Variants in PPL observed in about 807,000 individuals in gnomAD.
PPL encodes the protein 190 kDa paraneoplastic pemphigus antigen.
PPL carries 198 observed loss-of-function variants against 194.4 expected under a neutral mutation model. That is an observed-to-expected ratio of 1.02 (90% CI 0.91 to 1.15). PPL has a LOEUF of 1.15. PPL is among the 50% of genes most tolerant of loss of function. The probability of loss-of-function intolerance (pLI) is 0.00; values close to 1 mark genes in which losing one functional copy is unlikely to be tolerated. For synonymous variants in PPL, 1,220 were observed against 972.4 expected, an observed-to-expected ratio of 1.25 and a Z score of -4.74; for missense variants, 2,885 against 2,294.8, an observed-to-expected ratio of 1.26 and a Z score of -5.25.
chr16:4,885,687 GCCC>G lies in PPL; in HGVS notation c.2965_2967del (p.Gly989del). The G allele has an allele frequency of 6.2e-7, 1 of 1,613,356 alleles. No homozygotes were observed. The highest frequency in any genetic ancestry group is 8.5e-7 in the Non-Finnish European group (1 of 1,179,954). ...AGGACCTCCTTGACCACGTACTCCTGCCCCCCGTCTCTGGTCTCCTGCTCCAGG... is the reference window on the plus strand; with the variant it reads ...AGGACCTCCTTGACCACGTACTCCTGCCCGTCTCTGGTCTCCTGCTCCAGG... On this transcript the variant is annotated inframe_deletion, in exon 22 of 22. Transcript: ENST00000345988. This position sits in a 1 kb window ranked among gnomAD's most constrained non-coding sequence, Gnocchi z 6.3.
chr16:4,907,650 G>C (rs1756581245), intron 2 of PPL, among the ~76,000 whole-genome samples: 1 of 152,106 alleles, frequency 6.6e-6, no homozygotes, highest in African/African-American at 2.4e-5. Context: ...GTGTAACATT[G>C]TGAATGTATG....
intron 2 of PPL, among the ~76,000 whole-genome samples, chr16:4,905,702 T>C (rs2088668070): frequency 1.3e-5 from 2 of 152,154 alleles, no homozygotes; most frequent in Admixed American, 1.3e-4. Flanking sequence ...GGCTTCTTCT[T>C]GGAGGAAGAA....
chr16:4,888,931 A>G, intron 19 of PPL, 47 bp downstream of exon 19: 6 of 1,575,190 alleles, frequency 3.8e-6, no homozygotes, highest in East Asian at 2.2e-5. Flanking sequence ...GCACGGTGGA[A>G]TAAGACCCCT....
intron 1 of PPL, among the ~76,000 whole-genome samples, chr16:4,935,611 C>A (rs1313280031): frequency 1.3e-5 from 2 of 152,152 alleles, no homozygotes; most frequent in Non-Finnish European, 2.9e-5. Context: ...GCGGGTAATG[C>A]CTCTGAGCTT....
chr16:4,929,011 CTTA>C (rs755123593), intron 1 of PPL, among the ~76,000 whole-genome samples: 2 of 15,886 alleles, frequency 1.3e-4, no homozygotes, highest in Non-Finnish European at 2.8e-4. Flanking sequence ...GAAACTCTAC[CTTA>C]AAAAAAAAAA....
At chr16:4,923,435 C>G (rs1237014628) in intron 1 of PPL, among the ~76,000 whole-genome samples, 1 of 152,182 alleles carries the variant, frequency 6.6e-6, no homozygotes, top group South Asian at 2.1e-4. Flanking sequence ...CTCCTGCCCC[C>G]AGGAGAGACG....
At chr16:4,926,429 C>T (rs1027756945) in intron 1 of PPL, among the ~76,000 whole-genome samples, 11 of 152,184 alleles carry the variant, frequency 7.2e-5, no homozygotes, top group Non-Finnish European at 1.0e-4. Context: ...AATACCTGCT[C>T]AATTTCACAC....
intron 1 of PPL, among the ~76,000 whole-genome samples, chr16:4,917,033 G>A (rs895071850): frequency 5.9e-5 from 9 of 152,138 alleles, no homozygotes; most frequent in Non-Finnish European, 1.2e-4. Flanking sequence ...TCGGGAAGCT[G>A]AGACAAGAGA....
intron 19 of PPL, chr16:4,888,744 A>G: frequency 2.1e-6 from 1 of 482,148 alleles, no homozygotes; most frequent in Non-Finnish European, 3.7e-6. Context: ...CTTAAGGATA[A>G]ATTCCCCCAA....
rs1235340123 is a variant in PPL at position 4,929,012 on chromosome 16, TTAAAAAAAAA to T, written c.62+7962_62+7971del. Among the ~76,000 whole-genome samples the T allele has an allele frequency of 7.2e-4, 58 of 81,050 alleles. 3 individuals are homozygous for T. Among genetic ancestry groups the T allele is most frequent in the African/African-American group, 2.1e-3 (46 of 21,648 alleles). The allele number at this position is 81,050 out of a possible 152,430, so 53.2% of individuals were successfully genotyped here. A position where few individuals can be genotyped will look rare whatever the true frequency, so the allele number is the denominator to read the frequency against. ...TGGGCAACAAAAGTGAAACTCTACCTTAAAAAAAAAAAAAAAAAAAAAAAAAAAAAAGATC... is the reference window on the plus strand; with the variant it reads ...TGGGCAACAAAAGTGAAACTCTACCTAAAAAAAAAAAAAAAAAAAAAGATC... On this transcript the variant is annotated intron_variant, in intron 1 of 21. Transcript: ENST00000345988.
At chr16:4,928,982 C>T (rs888308451) in intron 1 of PPL, among the ~76,000 whole-genome samples, 2 of 132,776 alleles carry the variant, frequency 1.5e-5, no homozygotes, top group African/African-American at 5.6e-5. Context: ...CACTTCACTC[C>T]AGCCTGGGCA....
At chr16:4,918,121 C>T (rs902677935) in intron 1 of PPL, among the ~76,000 whole-genome samples, 4 of 151,898 alleles carry the variant, frequency 2.6e-5, no homozygotes, top group South Asian at 2.1e-4. Context: ...GGTGAAACCT[C>T]GTCTCTACTA....
rs916669409 is a variant in PPL, at chr16:4,900,863, G to A, written c.573C>T (p.Asn191=). 1.2e-6 allele frequency: 2 copies of A among 1,614,056 alleles called. No individual in the cohort carries two copies. The highest frequency in any genetic ancestry group is 1.3e-5 in the African/African-American group (1 of 74,934). The stretch of plus-strand genomic sequence containing the variant: ...TCTGGTACTTGGCCCGGAGTTCGCT[G>A]TTCTGCTCCTGAGGACAGAGCCGAG... The part of the protein sequence containing the change: ...HLAKDGDKEQ[N]SELRAKYQKL... Residue 191 remains asparagine (N), a synonymous_variant, in exon 6 of 22, where the codon AAC becomes AAT. Coordinates refer to ENST00000345988, the MANE Select transcript of PPL (RefSeq NM_002705.5).
At chr16:4,931,256 T>C (rs2089221744) in intron 1 of PPL, among the ~76,000 whole-genome samples, 3 of 152,052 alleles carry the variant, frequency 2.0e-5, no homozygotes, top group African/African-American at 7.2e-5. Context: ...CCCAGCTTCT[T>C]GGGAGGCTGA....
At chr16:4,894,863 C>T (rs916915233) in intron 11 of PPL, among the ~76,000 whole-genome samples, 2 of 152,218 alleles carry the variant, frequency 1.3e-5, no homozygotes, top group Non-Finnish European at 2.9e-5. Context: ...GTCTCTCCTT[C>T]TCCATTCCCA....
At chr16:4,911,011 C>T in intron 1 of PPL, 62 bp from the exon 2 acceptor site, 1 of 1,342,382 alleles carries the variant, frequency 7.4e-7, no homozygotes. Flanking sequence ...TATGTCCCCA[C>T]CAGCACCCCA....
At chr16:4,909,253 G>T (rs73519161) in intron 2 of PPL, among the ~76,000 whole-genome samples, 16,652 of 152,100 alleles carry the variant, frequency 0.11, 1,147 homozygotes, top group East Asian at 0.25. Flanking sequence ...TACCCGCTTG[G>T]GTCTCTTGGC....
Position 4,912,879 on chromosome 16 carries a change from G to C in PPL, c.63-1930C>G, listed in dbSNP as rs375967689. Among the ~76,000 whole-genome samples the C allele has an allele frequency of 5.3e-5, 8 of 152,174 alleles. 1 individual carries two copies. In the South Asian group the frequency reaches 8.3e-4, roughly 16 times the overall value. ...AGCACTTTGGGAGGCCAAGGCGGGC[G>C]AATCACCTGAGATCAGGAGTTTGAG... On this transcript the variant is annotated intron_variant, in intron 1 of 21. Transcript: ENST00000345988.
At position 4,892,323 on chromosome 16, in the gene PPL, GGA is replaced by G. The variant is rs1208851997; in HGVS notation, c.1651-112_1651-111del. ...CACATCAGGCACAGTGGAAGCAGCTGGAGAGGCCTGGCACATTCTGGGGCTCT... is the reference window on the plus strand; with the variant it reads ...CACATCAGGCACAGTGGAAGCAGCTGGAGGCCTGGCACATTCTGGGGCTCT... On this transcript the variant is annotated intron_variant, in intron 14 of 21. Transcript: ENST00000345988. 3 of 1,213,542 alleles carry G rather than the reference GGA, an allele frequency of 2.5e-6. No homozygotes were observed. The African/African-American group carries it at 4.6e-5, about 18-fold the overall frequency. 75.2% of individuals were successfully genotyped at this position (1,213,542 alleles called of 1,614,324 possible).
Sources: gnomAD v4.1 joint callset for allele counts (sites outside exome capture counted in the v4.1 genomes callset) on GRCh38, gnomAD v4.1.1 for gene constraint, Gnocchi (gnomAD v3.1) non-coding constraint, MANE v1.5 for transcripts, NCBI Gene and HGNC (gene_info 2026-07-23, HGNC 2026-07-21) for gene names.